SCN10A: variants seen among roughly 807,000 people sequenced by gnomAD.
The protein encoded by SCN10A is sodium channel protein type 10 subunit alpha.
A neutral mutation model predicts 170.7 loss-of-function variants in SCN10A; 162 were observed. The observed-to-expected ratio is 0.95, with a 90% CI of 0.84 to 1.08. The LOEUF is 1.08. Ranked by LOEUF, SCN10A falls within the 50% of genes least tolerant of loss-of-function variation. SCN10A has a pLI of 0.00. For synonymous variants in SCN10A, 985 were observed against 904.6 expected (o/e 1.09, Z -1.59); for missense variants, 2,527 against 2,436.9 (o/e 1.04, Z -0.78).
intron 25 of SCN10A, 95 bp from the exon 26 acceptor site, chr3:38,707,478 C>A: frequency 8.0e-7 from 1 of 1,243,732 alleles, no homozygotes; most frequent in Non-Finnish European, 1.2e-6. Context: ...TATCAACCTT[C>A]TCCCCTCCTC....
At position 38,712,296 on chromosome 3, in the gene SCN10A, A is replaced by G. The variant is rs771125854; in HGVS notation, c.3954T>C (p.Phe1318=). The change falls in exon 23 of 28, where the codon TTT becomes TTC. Residue 1318 remains phenylalanine, a synonymous_variant. Transcript: ENST00000449082. ...TCACAATCGACAAAGGTACAAGGGA[A>G]AACTCTCCATCGGTATAGTTGATGC... The part of the protein sequence containing the change: ...WRCINYTDGE[F]SLVPLSIVNN... The G allele has an allele frequency of 6.2e-7, 1 of 1,614,222 alleles. No homozygotes were observed. Among genetic ancestry groups the G allele is most frequent in the South Asian group, 1.1e-5 (1 of 91,082 alleles).
In SCN10A at chr3:38,697,739, C is replaced by T; in HGVS notation, c.5481G>A (p.Glu1827=). Residue 1827 remains glutamate, a synonymous_variant, in exon 28 of 28, where the codon GAG becomes GAA. Transcript: ENST00000449082. ...ELDSLKANME[E]KFMATNLSKS... ...TTGAAAGATTAGTTGCCATAAACTT[C>T]TCCTCCATATTTGCCTTCAGAGAAT... is the stretch of plus-strand genomic sequence containing the variant. 1 of 1,613,962 alleles carries T rather than the reference C, an allele frequency of 6.2e-7. No homozygotes were observed. The highest frequency in any genetic ancestry group is 2.2e-5 in the East Asian group (1 of 44,876).
intron 15 of SCN10A, among the ~76,000 whole-genome samples, chr3:38,731,176 C>T (rs1395564763): frequency 6.6e-6 from 1 of 152,108 alleles, no homozygotes; most frequent in African/African-American, 2.4e-5. Flanking sequence ...ACAATGGAGG[C>T]TAATTGTTGG....
intron 1 of SCN10A, 126 bp from the exon 2 acceptor site, chr3:38,794,168 C>A (rs1215636254): frequency 1.5e-6 from 1 of 667,510 alleles, no homozygotes; most frequent in African/African-American, 1.8e-5. Context: ...CCTCCCTGAA[C>A]TCACACTTGG....
chr3:38,804,932 G>T (rs1575188140), intron 1 of SCN10A, among the ~76,000 whole-genome samples: 1 of 152,152 alleles, frequency 6.6e-6, no homozygotes, highest in African/African-American at 2.4e-5. Flanking sequence ...AGAAAGAAAA[G>T]TTTCAAGAAC....
chr3:38,799,641 G>T (rs1263958274), intron 1 of SCN10A, among the ~76,000 whole-genome samples: 1 of 152,016 alleles, frequency 6.6e-6, no homozygotes, highest in Non-Finnish European at 1.5e-5. Context: ...CTACAGTTTG[G>T]CAGCATAATT....
chr3:38,723,829 T>C (rs1001315127), intron 18 of SCN10A, among the ~76,000 whole-genome samples: 2 of 152,216 alleles, frequency 1.3e-5, no homozygotes, highest in Non-Finnish European at 2.9e-5. Flanking sequence ...CATGGAGTAA[T>C]GCTGCAGGGG....
At chr3:38,808,412 G>A (rs569301958) in intron 1 of SCN10A, among the ~76,000 whole-genome samples, 14 of 152,220 alleles carry the variant, frequency 9.2e-5, no homozygotes, top group Admixed American at 9.2e-4. Flanking sequence ...ATTTCCTGGA[G>A]GCCATTTATT....
intron 4 of SCN10A, among the ~76,000 whole-genome samples, chr3:38,773,967 G>T (rs952939494): frequency 6.6e-6 from 1 of 152,040 alleles, no homozygotes; most frequent in African/African-American, 2.4e-5. Flanking sequence ...AGCTAAAAGT[G>T]GTGGCCTCTG....
At chr3:38,706,752 A>G (rs1161628530) in intron 26 of SCN10A, among the ~76,000 whole-genome samples, 3 of 152,164 alleles carry the variant, frequency 2.0e-5, no homozygotes, top group Non-Finnish European at 2.9e-5. Context: ...TTTTTGCCCA[A>G]TCTTTAAACT....
At chr3:38,737,874 T>TCTTG (rs2063587648) in intron 15 of SCN10A, among the ~76,000 whole-genome samples, 1 of 135,806 alleles carries the variant, frequency 7.4e-6, no homozygotes, top group Non-Finnish European at 1.6e-5. Flanking sequence ...TCTCTCTCCC[T>TCTTG]CTTGCTCTCT....
chr3:38,720,278 T>A (rs1160261157), intron 20 of SCN10A, among the ~76,000 whole-genome samples: 1 of 152,234 alleles, frequency 6.6e-6, no homozygotes, highest in African/African-American at 2.4e-5. Flanking sequence ...AAGGAATATG[T>A]TATAGCCATT....
chr3:38,739,796 T>C (rs2126012767), intron 14 of SCN10A, 108 bp from the exon 15 acceptor site: 1 of 911,534 alleles, frequency 1.1e-6, no homozygotes, highest in Non-Finnish European at 1.7e-6. Flanking sequence ...AATCCTTTTG[T>C]TTTGTTCAGT....
In SCN10A at chr3:38,702,029, G is replaced by A; in HGVS notation, c.4467C>T (p.Asn1489=). ...CAGTCTCCACCATCATGGTGATCAT[G>A]TTGAGGCAGATGAGGACCATGATGG... The part of the protein sequence containing the change: ...DITIMVLICL[N]MITMMVETDD... Residue 1489 remains asparagine, a synonymous_variant, in exon 27 of 28, where the codon AAC becomes AAT. Transcript: ENST00000449082. 3 of 1,612,968 alleles carry A rather than the reference G, an allele frequency of 1.9e-6. No individual in the cohort carries two copies. Among genetic ancestry groups the A allele is most frequent in the Non-Finnish European group, 2.5e-6 (3 of 1,179,408 alleles).
At position 38,726,860 on chromosome 3, in the gene SCN10A, G is replaced by A. The variant is rs372907454; in HGVS notation, c.2833C>T (p.Pro945Ser). Reference sequence around the variant, plus strand: ...AGTGGGAGTTTCACCACCAGCTCAGGCTCTGCCTTGGGCTGGGGGAATGGG... The same window carrying A: ...AGTGGGAGTTTCACCACCAGCTCAGACTCTGCCTTGGGCTGGGGGAATGGG... ...SCPFPQPKAEPELVVKLPLSS... is the reference protein window; with the variant it reads ...SCPFPQPKAESELVVKLPLSS... Residue 945 changes from proline to serine, a missense_variant, in exon 17 of 28, where the codon CCT becomes TCT. Transcript: ENST00000449082. 24 of 1,614,208 alleles carry A rather than the reference G, an allele frequency of 1.5e-5. No homozygotes were observed. Among genetic ancestry groups the A allele is most frequent in the Non-Finnish European group, 1.9e-5 (23 of 1,180,028 alleles).
At chr3:38,766,546 T>C (rs1488808511) in intron 5 of SCN10A, among the ~76,000 whole-genome samples, 1 of 152,196 alleles carries the variant, frequency 6.6e-6, no homozygotes, top group Non-Finnish European at 1.5e-5. Flanking sequence ...TTTATTGACT[T>C]GTGTATGTTA....
chr3:38,739,238 A>G (rs1559434870), intron 15 of SCN10A, among the ~76,000 whole-genome samples: 1 of 152,128 alleles, frequency 6.6e-6, no homozygotes, highest in Non-Finnish European at 1.5e-5. Context: ...TATTGCTGTT[A>G]TTGTTATTTG....
intron 4 of SCN10A, among the ~76,000 whole-genome samples, chr3:38,781,106 G>A (rs1015913690): frequency 3.3e-5 from 5 of 152,088 alleles, no homozygotes; most frequent in Admixed American, 2.6e-4. Context: ...ATTTTGAAGT[G>A]TTGTCGTCTC....
intron 1 of SCN10A, among the ~76,000 whole-genome samples, chr3:38,805,956 C>T (rs910853131): frequency 6.6e-6 from 1 of 152,052 alleles, no homozygotes; most frequent in African/African-American, 2.4e-5. Context: ...GTGCGCTATC[C>T]ATGGTTCTGA....
Sources: gnomAD v4.1 joint callset for allele counts (sites outside exome capture counted in the v4.1 genomes callset) on GRCh38, gnomAD v4.1.1 for gene constraint, MANE v1.5 for transcripts, NCBI Gene and HGNC (gene_info 2026-07-23, HGNC 2026-07-21) for gene names.